GSE1: variants seen among roughly 807,000 people sequenced by gnomAD.
GSE1 encodes genetic suppressor element 1.
Under a neutral mutation model 112.6 loss-of-function variants are expected in GSE1, and 32 were observed. The observed-to-expected ratio is 0.28, with a 90% CI of 0.21 to 0.38. GSE1 has a LOEUF of 0.38. GSE1 is among the 10% of genes least tolerant of loss of function. The probability of loss-of-function intolerance (pLI) is 1.00; values close to 1 mark genes in which losing one functional copy is unlikely to be tolerated. For missense variants in GSE1, 2,348 were observed against 1,699.2 expected (o/e 1.38, Z -6.71); for synonymous variants, 1,115 against 735.6 (o/e 1.52, Z -8.35).
chr16:85,555,937 C>A, upstream of GSE1: 1 of 982,798 alleles, frequency 1.0e-6, no homozygotes, highest in South Asian at 4.7e-5. Flanking sequence ...CTGCTTCCCT[C>A]CGCCGCGCTC....
chr16:85,581,249 G>T (rs1411947365), intron 1 of GSE1, among the ~76,000 whole-genome samples: 1 of 152,166 alleles, frequency 6.6e-6, no homozygotes, highest in Admixed American at 6.5e-5. Flanking sequence ...GAGAGGGGGA[G>T]GATCTCTTTC....
chr16:85,648,999 G>A (rs558352341), intron 3 of GSE1, among the ~76,000 whole-genome samples: 34 of 152,238 alleles, frequency 2.2e-4, no homozygotes, highest in African/African-American at 6.5e-4. Flanking sequence ...GGGGTGTCCC[G>A]TTATTTTCTC....
At chr16:85,376,153 GC>G (rs1225788481) in intron 2 of GSE1, among the ~76,000 whole-genome samples, 1 of 152,118 alleles carries the variant, frequency 6.6e-6, no homozygotes, top group Non-Finnish European at 1.5e-5. Flanking sequence ...TTCATCCCCA[GC>G]CCAAACAAGC....
intron 1 of GSE1, among the ~76,000 whole-genome samples, chr16:85,319,142 C>G (rs542384237): frequency 1.3e-5 from 2 of 152,346 alleles, no homozygotes; most frequent in African/African-American, 4.8e-5. Flanking sequence ...CTCCTCTTCT[C>G]TCTTGACATT....
chr16:85,412,684 C>T lies in GSE1; in HGVS notation c.2464+55041C>T, dbSNP rs62050368. The stretch of plus-strand genomic sequence containing the variant: ...CAGGGCCCCCCTGGATAATCCTCAC[C>T]GTTACACTCAGGGCACCTGGATAAT... On this transcript the variant is annotated intron_variant, in intron 2 of 2. Coordinates refer to the GSE1 transcript ENST00000637419. Among the ~76,000 whole-genome samples, 18 of 58,024 alleles carry T rather than the reference C, an allele frequency of 3.1e-4. 1 individual carries two copies. The South Asian group carries it at 4.7e-3, about 15-fold the overall frequency. The allele number at this position is 58,024 out of a possible 152,430, so 38.1% of individuals were successfully genotyped here. A position where few individuals can be genotyped will look rare whatever the true frequency, so the allele number is the denominator to read the frequency against.
chr16:85,260,220 G>A (rs1220240353), intron 1 of GSE1, among the ~76,000 whole-genome samples: 1 of 152,106 alleles, frequency 6.6e-6, no homozygotes, highest in African/African-American at 2.4e-5. Context: ...CAGTCTAGTT[G>A]CCTCTGGTCT....
intron 1 of GSE1, among the ~76,000 whole-genome samples, chr16:85,277,704 C>G (rs975516380): frequency 2.6e-5 from 4 of 152,220 alleles, no homozygotes; most frequent in Admixed American, 6.5e-5. Context: ...GACTCCTCAC[C>G]CCTACAAAGC....
intron 2 of GSE1, among the ~76,000 whole-genome samples, chr16:85,505,498 G>A (rs893944547): frequency 4.6e-5 from 7 of 152,304 alleles, no homozygotes; most frequent in African/African-American, 1.7e-4. Flanking sequence ...GGCCCTGAGA[G>A]CATGATTTGA....
At chr16:85,501,152 C>T (rs1371531327) in intron 2 of GSE1, among the ~76,000 whole-genome samples, 3 of 151,800 alleles carry the variant, frequency 2.0e-5, no homozygotes, top group African/African-American at 7.3e-5. Flanking sequence ...AGGCGCCCCC[C>T]ACCACGCCCA....
At chr16:85,352,193 C>T (rs2046864683) in intron 1 of GSE1, among the ~76,000 whole-genome samples, 1 of 152,170 alleles carries the variant, frequency 6.6e-6, no homozygotes, top group Admixed American at 6.5e-5. Flanking sequence ...CAGGAGTTGG[C>T]TTTCTCCAGA....
intron 2 of GSE1, among the ~76,000 whole-genome samples, chr16:85,374,036 G>A (rs2047359735): frequency 6.6e-6 from 1 of 152,224 alleles, no homozygotes; most frequent in African/African-American, 2.4e-5. Context: ...CTGTGTACCT[G>A]TGTCTGTGTG....
At chr16:85,437,375 A>C (rs193032048) in intron 2 of GSE1, among the ~76,000 whole-genome samples, 192 of 152,206 alleles carry the variant, frequency 1.3e-3, no homozygotes, top group African/African-American at 4.0e-3. Flanking sequence ...CCCTCTTCTC[A>C]TTTTTATTTC....
chr16:85,545,346 C>G (rs142366496), intron 2 of GSE1, among the ~76,000 whole-genome samples: 9 of 152,352 alleles, frequency 5.9e-5, no homozygotes, highest in African/African-American at 2.2e-4. Flanking sequence ...GCTCCAGGGG[C>G]AGCCCCAAAA....
At position 85,438,389 on chromosome 16, in the gene GSE1, C is replaced by T. The variant is rs753056901; in HGVS notation, c.2464+80746C>T. ...GGACAGGAGGCGGAGGGGCGCACCC[C>T]GCTCTGTTCTTGGTACCCGCGCCTG... On this transcript the variant is annotated intron_variant, in intron 2 of 2. Coordinates refer to the GSE1 transcript ENST00000637419. Among the ~76,000 whole-genome samples the T allele has an allele frequency of 4.6e-5, 7 of 152,168 alleles. 1 individual carries two copies. The highest frequency in any genetic ancestry group is 2.0e-4 in the Admixed American group (3 of 15,284).
At chr16:85,304,987 G>A (rs976189432) in intron 1 of GSE1, among the ~76,000 whole-genome samples, 1 of 152,084 alleles carries the variant, frequency 6.6e-6, no homozygotes, top group African/African-American at 2.4e-5. Context: ...CCCTTCTCAG[G>A]CCCGCCCAAC....
At chr16:85,313,183 C>CCT (rs1158421155) in intron 1 of GSE1, among the ~76,000 whole-genome samples, 2 of 152,180 alleles carry the variant, frequency 1.3e-5, no homozygotes, top group Non-Finnish European at 2.9e-5. Context: ...GTCCCTTGTC[C>CCT]CTCTGACCAC....
intron 1 of GSE1, among the ~76,000 whole-genome samples, chr16:85,334,600 G>A (rs1049028075): frequency 1.3e-5 from 2 of 152,196 alleles, no homozygotes; most frequent in East Asian, 1.9e-4. Flanking sequence ...TTTTGGGGAC[G>A]CTTGGCGTGG....
chr16:85,276,960 G>A (rs1018811013), intron 1 of GSE1, among the ~76,000 whole-genome samples: 17 of 152,336 alleles, frequency 1.1e-4, no homozygotes, highest in African/African-American at 2.4e-4. Flanking sequence ...CCGTGCAGCC[G>A]GGCCAGGCCT....
intron 2 of GSE1, among the ~76,000 whole-genome samples, chr16:85,398,210 A>G (rs920637740): frequency 1.8e-4 from 28 of 152,180 alleles, no homozygotes; most frequent in African/African-American, 6.8e-4. Flanking sequence ...GGTTGTGAGC[A>G]CTGGGTGAGA....
Sources: allele counts gnomAD v4.1 joint callset (sites outside exome capture counted in the v4.1 genomes callset), GRCh38; gene constraint gnomAD v4.1.1; transcripts MANE v1.5; gene names NCBI Gene and HGNC (gene_info 2026-07-23, HGNC 2026-07-21).